WWOX: variants seen among roughly 807,000 people sequenced by gnomAD.
WWOX encodes WW domain containing oxidoreductase, also known as WW domain-containing oxidoreductase.
WWOX carries 69 observed loss-of-function variants against 46.2 expected under a neutral mutation model. That is an observed-to-expected ratio of 1.49 (90% CI 1.23 to 1.82). The LOEUF is 1.82. WWOX is among the 40% of genes most tolerant of loss of function. WWOX has a pLI of 0.00. For missense variants in WWOX, 919 were observed against 542.6 expected (o/e 1.69, Z -6.89); for synonymous variants, 359 against 202.6 (o/e 1.77, Z -6.56).
intron 8 of WWOX, among the ~76,000 whole-genome samples, chr16:78,701,505 C>G (rs1356238193): frequency 6.6e-6 from 1 of 152,122 alleles, no homozygotes; most frequent in Non-Finnish European, 1.5e-5. Context: ...CTCTCTACCT[C>G]TATCTCTTCT....
chr16:78,567,466 T>A (rs1302664566), intron 8 of WWOX, among the ~76,000 whole-genome samples: 1 of 144,276 alleles, frequency 6.9e-6, no homozygotes, highest in African/African-American at 2.6e-5. Context: ...GACAGGAGAA[T>A]GTCATGAACC....
Position 78,207,795 on chromosome 16 carries a change from C to G in WWOX, c.516+43506C>G, listed in dbSNP as rs4887944. Among the ~76,000 whole-genome samples the G allele has an allele frequency of 3.6e-3, 542 of 149,926 alleles. 4 individuals are homozygous for G. Among genetic ancestry groups the G allele is most frequent in the South Asian group, 9.5e-3 (45 of 4,744 alleles). ...AAAAAAAAAAGGGTCTGTTATCAAC[C>G]ATGCTTTTTTATTTTATTTTATTTT... On this transcript the variant is annotated intron_variant, in intron 5 of 8. Coordinates refer to ENST00000566780, the MANE Select transcript of WWOX (RefSeq NM_016373.4).
chr16:78,716,747 C>G (rs1395847771), intron 8 of WWOX, among the ~76,000 whole-genome samples: 2 of 152,106 alleles, frequency 1.3e-5, no homozygotes, highest in South Asian at 2.1e-4. Flanking sequence ...AAAAGCGTCT[C>G]TATTCGAATT....
At chr16:78,865,746 G>C (rs1252959906) in intron 8 of WWOX, among the ~76,000 whole-genome samples, 1 of 152,180 alleles carries the variant, frequency 6.6e-6, no homozygotes, top group Non-Finnish European at 1.5e-5. Flanking sequence ...CATGCTTGGT[G>C]GCAAGTGCCT....
chr16:78,945,645 AT>A (rs66479410), intron 8 of WWOX, among the ~76,000 whole-genome samples: 42,172 of 151,192 alleles, frequency 0.28, 6,069 homozygotes, highest in East Asian at 0.48. Flanking sequence ...ATTTCTAAGG[AT>A]TTTTTTTTAA....
Position 79,209,541 on chromosome 16 carries a change from G to C in WWOX, c.1057-2067G>C, listed in dbSNP as rs60558137. 4.3e-4 allele frequency among the ~76,000 whole-genome samples: 64 copies of C among 150,114 alleles called. No homozygotes were observed. In the South Asian group the frequency reaches 5.4e-3, roughly 13 times the overall value. On this transcript the variant is annotated intron_variant, in intron 8 of 8. Transcript: ENST00000566780. ...GCGGGAGGCTGGACTTGAAATGGGTGAGCTGGATTCTCCCACCACTCGGGA... is the reference window on the plus strand; with the variant it reads ...GCGGGAGGCTGGACTTGAAATGGGTCAGCTGGATTCTCCCACCACTCGGGA...
chr16:78,789,792 C>T (rs971539391), intron 8 of WWOX, among the ~76,000 whole-genome samples: 1 of 152,162 alleles, frequency 6.6e-6, no homozygotes, highest in Non-Finnish European at 1.5e-5. Context: ...GCAGGAAAAG[C>T]TCATTTTCCA....
chr16:78,902,047 G>A (rs1315759386), intron 8 of WWOX, among the ~76,000 whole-genome samples: 1 of 152,200 alleles, frequency 6.6e-6, no homozygotes. Context: ...CTGGGTTGGC[G>A]GGAGTTGAGA....
intron 8 of WWOX, among the ~76,000 whole-genome samples, chr16:78,887,267 C>A (rs1428735171): frequency 6.6e-6 from 1 of 151,924 alleles, no homozygotes; most frequent in African/African-American, 2.4e-5. Context: ...TTTCATTATA[C>A]CAGCAATTCC....
chr16:78,147,325 G>T (rs1311060017), intron 4 of WWOX, among the ~76,000 whole-genome samples: 2 of 152,148 alleles, frequency 1.3e-5, no homozygotes, highest in African/African-American at 2.4e-5. Flanking sequence ...TGTCCGGTTT[G>T]GAGTTGGAGG....
chr16:78,308,255 C>G (rs189201996), intron 5 of WWOX, among the ~76,000 whole-genome samples: 61 of 152,154 alleles, frequency 4.0e-4, no homozygotes, highest in African/African-American at 1.4e-3. Flanking sequence ...GAGTGTAAAC[C>G]AAAAATAAAT....
At chr16:78,504,523 A>G (rs1422180411) in intron 8 of WWOX, among the ~76,000 whole-genome samples, 2 of 152,168 alleles carry the variant, frequency 1.3e-5, no homozygotes, top group African/African-American at 2.4e-5. Context: ...TGGAAAGTAC[A>G]TTGCTATTTT....
At chr16:78,432,271 A>C (rs2083239110) in intron 7 of WWOX, among the ~76,000 whole-genome samples, 1 of 151,864 alleles carries the variant, frequency 6.6e-6, no homozygotes, top group South Asian at 2.1e-4. Flanking sequence ...ACACCTGGCT[A>C]ATTTTTGTAT....
At chr16:78,612,962 C>A (rs2151632871) in intron 8 of WWOX, among the ~76,000 whole-genome samples, 3 of 152,264 alleles carry the variant, frequency 2.0e-5, no homozygotes, top group African/African-American at 7.2e-5. Context: ...CACTACCAAC[C>A]TTGCCTTTCA....
At chr16:78,464,950 G>A (rs1047622899) in intron 8 of WWOX, among the ~76,000 whole-genome samples, 1 of 152,190 alleles carries the variant, frequency 6.6e-6, no homozygotes, top group East Asian at 1.9e-4. Flanking sequence ...ACCTGGCTGG[G>A]GAGGCCTCAA....
intron 8 of WWOX, among the ~76,000 whole-genome samples, chr16:78,488,473 C>A (rs1479845096): frequency 2.0e-5 from 3 of 152,130 alleles, no homozygotes; most frequent in African/African-American, 4.8e-5. Context: ...CTGAGATTCC[C>A]TCTTTAAGGA....
chr16:78,992,073 T>C (rs896829120), intron 8 of WWOX, among the ~76,000 whole-genome samples: 6 of 152,186 alleles, frequency 3.9e-5, no homozygotes, highest in African/African-American at 1.4e-4. Context: ...TCGTTCATTC[T>C]TGGAATCTAC....
chr16:78,234,578 G>C (rs9935005), intron 5 of WWOX, among the ~76,000 whole-genome samples: 77,620 of 151,932 alleles, frequency 0.51, 20,258 homozygotes, highest in Admixed American at 0.62. Flanking sequence ...GAAGTATTTG[G>C]AAAACTCCTA....
intron 8 of WWOX, among the ~76,000 whole-genome samples, chr16:78,595,372 C>T (rs1488805443): frequency 2.1e-5 from 3 of 142,940 alleles, no homozygotes; most frequent in Non-Finnish European, 3.1e-5. Context: ...CTTGCTTCAA[C>T]CCTCCCCGCT....
Sources: gnomAD v4.1 joint callset for allele counts (sites outside exome capture counted in the v4.1 genomes callset) on GRCh38, gnomAD v4.1.1 for gene constraint, MANE v1.5 for transcripts, NCBI Gene and HGNC (gene_info 2026-07-23, HGNC 2026-07-21) for gene names.